ARHGEF4: variants seen among roughly 807,000 people sequenced by gnomAD.
ARHGEF4 encodes the protein APC-stimulated guanine nucleotide exchange factor 1.
ARHGEF4 carries 119 observed loss-of-function variants against 162.0 expected under a neutral mutation model. The observed-to-expected ratio is 0.73, with a 90% CI of 0.63 to 0.86. ARHGEF4 has a LOEUF of 0.86. Ranked by LOEUF, ARHGEF4 falls within the 40% of genes least tolerant of loss-of-function variation. ARHGEF4 has a pLI of 0.00. For synonymous variants in ARHGEF4, 1,014 were observed against 979.9 expected (o/e 1.03, Z -0.65); for missense variants, 2,488 against 2,456.0 (o/e 1.01, Z -0.28).
At chr2:130,991,871 C>T (rs1188986341) in intron 4 of ARHGEF4, among the ~76,000 whole-genome samples, 7 of 152,234 alleles carry the variant, frequency 4.6e-5, no homozygotes, top group South Asian at 4.1e-4. Context: ...CCTGCAGCCC[C>T]GGTGCGGGAT....
intron 4 of ARHGEF4, among the ~76,000 whole-genome samples, chr2:131,016,728 G>A (rs914197316): frequency 6.6e-6 from 1 of 152,226 alleles, no homozygotes; most frequent in African/African-American, 2.4e-5. Context: ...CTGATTCAGT[G>A]GGTCTGGGGA....
chr2:130,917,529 T>C (rs1417825029), intron 2 of ARHGEF4, 31 bp downstream of exon 2: 10 of 1,525,640 alleles, frequency 6.6e-6, no homozygotes, highest in Non-Finnish European at 8.8e-6. Flanking sequence ...AAGCCTTTCC[T>C]GACCTCTGCA....
intron 3 of ARHGEF4, among the ~76,000 whole-genome samples, chr2:130,935,990 G>T (rs192216243): frequency 3.3e-5 from 5 of 152,238 alleles, no homozygotes; most frequent in African/African-American, 1.2e-4. Context: ...GCTTGAAACC[G>T]GGAGGCAGAG....
At chr2:131,016,179 A>C (rs1033545470) in intron 4 of ARHGEF4, among the ~76,000 whole-genome samples, 2 of 151,804 alleles carry the variant, frequency 1.3e-5, no homozygotes, top group Non-Finnish European at 2.9e-5. Flanking sequence ...ACACCTCCCA[A>C]CGTGCCCCAC....
chr2:130,984,230 T>A (rs561457204), intron 4 of ARHGEF4, among the ~76,000 whole-genome samples: 2 of 152,086 alleles, frequency 1.3e-5, no homozygotes, highest in Non-Finnish European at 2.9e-5. Context: ...CCAAAGAACA[T>A]TGTGGCCAAA....
At chr2:130,875,559 C>T (rs921569855) in intron 1 of ARHGEF4, among the ~76,000 whole-genome samples, 4 of 152,140 alleles carry the variant, frequency 2.6e-5, no homozygotes, top group African/African-American at 9.7e-5. Context: ...AACCAGCTCT[C>T]ATGGCAACTA....
At chr2:130,841,989 G>A (rs866729492) in intron 1 of ARHGEF4, among the ~76,000 whole-genome samples, 8 of 152,192 alleles carry the variant, frequency 5.3e-5, no homozygotes, top group African/African-American at 9.6e-5. Flanking sequence ...CTCCAAATCC[G>A]TTCTCACCAT....
intron 1 of ARHGEF4, among the ~76,000 whole-genome samples, chr2:130,874,828 A>G (rs1159297528): frequency 6.6e-6 from 1 of 152,140 alleles, no homozygotes; most frequent in East Asian, 1.9e-4. Flanking sequence ...GTCCATTTCT[A>G]TAATTTTTTC....
intron 3 of ARHGEF4, among the ~76,000 whole-genome samples, chr2:130,935,794 A>G (rs1021293150): frequency 6.6e-6 from 1 of 152,306 alleles, no homozygotes; most frequent in East Asian, 1.9e-4. Flanking sequence ...CTGGCCAGGC[A>G]TGGTGGCCAT....
intron 4 of ARHGEF4, among the ~76,000 whole-genome samples, chr2:130,989,401 C>A (rs1686788039): frequency 6.6e-6 from 1 of 152,100 alleles, no homozygotes; most frequent in South Asian, 2.1e-4. Context: ...ATCCCTAAAA[C>A]AGGATTATCT....
Position 130,915,533 on chromosome 2 carries a change from C to T in ARHGEF4, c.1587C>T (p.Ser529=), listed in dbSNP as rs1269187245. Residue 529 remains serine (S), a synonymous_variant, in exon 2 of 14, where the codon AGC becomes AGT. Transcript: ENST00000409359. ...PTRAKFPRQP[S]SEGTQVWSGD... ...GGGCCAAGTTCCCACGGCAGCCTAG[C>T]AGTGAGGGGACCCAGGTGTGGAGTG... 6.4e-7 allele frequency: 1 copy of T among 1,550,440 alleles called. No homozygotes were observed. Among genetic ancestry groups the T allele is most frequent in the Non-Finnish European group, 8.7e-7 (1 of 1,147,010 alleles).
chr2:130,917,074 C>CGTA lies in ARHGEF4; in HGVS notation c.3128_3129insGTA (p.Pro1043_Ser1044insTyr). The CGTA allele has an allele frequency of 6.4e-7, 1 of 1,550,698 alleles. No homozygotes were observed. The highest frequency in any genetic ancestry group is 2.4e-5 in the East Asian group (1 of 40,894). Reference sequence around the variant, plus strand: ...ACCCAGGAAGGCGGTAGGTACCTACCTTCAGGTATCTTTCCGGAAAAGTCC... The same window carrying CGTA: ...ACCCAGGAAGGCGGTAGGTACCTACCGTATTCAGGTATCTTTCCGGAAAAGTCC... On this transcript the variant is annotated inframe_insertion, in exon 2 of 14. Coordinates refer to ENST00000409359, the MANE Select transcript of ARHGEF4 (RefSeq NM_001367493.1).
At chr2:130,930,878 G>A (rs1329644878) in intron 2 of ARHGEF4, 74 bp from the exon 3 acceptor site, 7 of 1,436,090 alleles carry the variant, frequency 4.9e-6, no homozygotes, top group Non-Finnish European at 5.7e-6. Flanking sequence ...GAACTAGGCA[G>A]AGGAAGGACA....
chr2:130,850,252 T>C (rs1681309965), intron 1 of ARHGEF4, among the ~76,000 whole-genome samples: 1 of 152,224 alleles, frequency 6.6e-6, no homozygotes, highest in Non-Finnish European at 1.5e-5. Context: ...CAGGCCTGTC[T>C]GTACCTGAGG....
chr2:130,840,385 A>G (rs1680525352), intron 1 of ARHGEF4, among the ~76,000 whole-genome samples: 1 of 152,194 alleles, frequency 6.6e-6, no homozygotes, highest in Admixed American at 6.5e-5. Flanking sequence ...TCAGGTCCCC[A>G]TGTCTCCTGC....
At chr2:131,011,285 C>T (rs1331314190) in intron 4 of ARHGEF4, among the ~76,000 whole-genome samples, 1 of 152,230 alleles carries the variant, frequency 6.6e-6, no homozygotes, top group African/African-American at 2.4e-5. Flanking sequence ...AGCCCCTTCA[C>T]CCACCCTTAG....
intron 3 of ARHGEF4, among the ~76,000 whole-genome samples, chr2:130,935,793 C>T (rs1428976710): frequency 6.6e-6 from 1 of 152,160 alleles, no homozygotes; most frequent in Non-Finnish European, 1.5e-5. Flanking sequence ...ACTGGCCAGG[C>T]ATGGTGGCCA....
chr2:130,972,481 C>T (rs926779006), intron 4 of ARHGEF4, among the ~76,000 whole-genome samples: 4 of 152,196 alleles, frequency 2.6e-5, no homozygotes, highest in African/African-American at 7.2e-5. Context: ...CTTGGGTTTG[C>T]AGTTTCTTGA....
At chr2:130,964,769 C>G (rs36098350) in intron 4 of ARHGEF4, among the ~76,000 whole-genome samples, 20,774 of 152,224 alleles carry the variant, frequency 0.14, 1,740 homozygotes, top group African/African-American at 0.23. Flanking sequence ...GCAGCTGGTC[C>G]TGGACCCCTC....
Sources: allele counts gnomAD v4.1 joint callset (sites outside exome capture counted in the v4.1 genomes callset), GRCh38; gene constraint gnomAD v4.1.1; transcripts MANE v1.5; gene names NCBI Gene and HGNC (gene_info 2026-07-23, HGNC 2026-07-21).